SEMA3G: variants seen among roughly 807,000 people sequenced by gnomAD.
SEMA3G encodes semaphorin 3G.
SEMA3G carries 70 observed loss-of-function variants against 86.2 expected under a neutral mutation model. The ratio of observed to expected loss-of-function variants is 0.81; its 90% CI spans 0.67 to 0.99. The LOEUF is 0.99. Among genes scored for constraint, SEMA3G ranks in the 50% least tolerant of loss-of-function variants. The pLI is 0.00. For missense variants in SEMA3G, 1,002 were observed against 1,072.4 expected (o/e 0.93, Z 0.92); for synonymous variants, 416 against 441.4 (o/e 0.94, Z 0.72).
rs762879710 is a variant in SEMA3G at position 52,440,793 on chromosome 3, C to T, written c.959G>A (p.Gly320Glu). ...CAGCGCGTACACCTCGAGGCTCTTC[C>T]CGGCCTTGGGCCACAGCAGGAACAC... The part of the protein sequence containing the change: ...EDVFLLWPKA[G>E]KSLEVYALFS... Residue 320 changes from glycine (G) to glutamate (E), a missense_variant, in exon 9 of 16, where the codon GGG (glycine) becomes GAG (glutamate). Gly to Glu is a moderately conservative substitution (Grantham distance 98). Coordinates refer to ENST00000231721, the MANE Select transcript of SEMA3G (RefSeq NM_020163.3). 6.2e-7 allele frequency: 1 copy of T among 1,613,016 alleles called. No individual in the cohort carries two copies. Among genetic ancestry groups the T allele is most frequent in the Admixed American group, 1.7e-5 (1 of 60,010 alleles).
At position 52,440,051 on chromosome 3, in the gene SEMA3G, G is replaced by A; in HGVS notation, c.1191C>T (p.Thr397=). The A allele has an allele frequency of 6.2e-7, 1 of 1,600,122 alleles. No individual in the cohort carries two copies. Among genetic ancestry groups the A allele is most frequent in the Non-Finnish European group, 8.5e-7 (1 of 1,169,830 alleles). ...TAQPGRPFGS[T]KDYPDEVLQF... ...GCAGCACCTCATCTGGGTAGTCCTT[G>A]GTGCTGCCAAAAGGCCGTCCTGGCT... The change falls in exon 11 of 16, where the codon ACC becomes ACT. Residue 397 remains threonine, a synonymous_variant. Transcript: ENST00000231721.
chr3:52,437,879 G>A lies in SEMA3G; in HGVS notation c.1738+92C>T, dbSNP rs1706074696. 5 of 1,252,552 alleles carry A rather than the reference G, an allele frequency of 4.0e-6. No individual in the cohort carries two copies. In the South Asian group the frequency reaches 5.2e-5, roughly 13 times the overall value. 77.6% of individuals were successfully genotyped at this position (1,252,552 alleles called of 1,614,324 possible). On this transcript the variant is annotated intron_variant, in intron 14 of 15. Transcript: ENST00000231721. ...AACTGAGGACTATCCGTCATGACAAGACCAATCTGAGAATGCACTTCGCAG... is the reference window on the plus strand; with the variant it reads ...AACTGAGGACTATCCGTCATGACAAAACCAATCTGAGAATGCACTTCGCAG...
In SEMA3G at chr3:52,441,314, C is replaced by A. The variant is rs780165717; in HGVS notation, c.763G>T (p.Asp255Tyr). ...ACAGTGACATGGTTCGAGCCACCATCGGGCGAGGGGACCGTCTCCGAGAAG... is the reference window on the plus strand; with the variant it reads ...ACAGTGACATGGTTCGAGCCACCATAGGGCGAGGGGACCGTCTCCGAGAAG... ...FFFSETVPSP[D>Y]GGSNHVTVSR... The change falls in exon 7 of 16, where the codon GAT becomes TAT. Residue 255 changes from aspartate (D) to tyrosine (Y), a missense_variant. By Grantham distance (160) the Asp-to-Tyr change is radical (BLOSUM62 -3). Coordinates refer to ENST00000231721, the MANE Select transcript of SEMA3G (RefSeq NM_020163.3). 6.2e-7 allele frequency: 1 copy of A among 1,613,708 alleles called. No homozygotes were observed. Among genetic ancestry groups the A allele is most frequent in the Non-Finnish European group, 8.5e-7 (1 of 1,180,016 alleles).
At position 52,440,094 on chromosome 3, in the gene SEMA3G, G is replaced by A. The variant is rs751325898; in HGVS notation, c.1148C>T (p.Pro383Leu). Residue 383 changes from proline (P) to leucine (L), a missense_variant, in exon 11 of 16, where the codon CCC becomes CTC. By Grantham distance (98) the Pro-to-Leu change is moderately conservative. Coordinates refer to ENST00000231721, the MANE Select transcript of SEMA3G (RefSeq NM_020163.3). ...KVPFPRPGVC[P>L]SKMTAQPGRP... Reference sequence around the variant, plus strand: ...TCCTGGCTGTGCGGTCATCTTGCTGGGGCACTGTGGGCAGCAGGGAAGGGA... The same window carrying A: ...TCCTGGCTGTGCGGTCATCTTGCTGAGGCACTGTGGGCAGCAGGGAAGGGA... The A allele has an allele frequency of 6.4e-7, 1 of 1,573,876 alleles. No individual in the cohort carries two copies. The highest frequency in any genetic ancestry group is 1.1e-5 in the South Asian group (1 of 87,522).
chr3:52,440,417 C>T lies in SEMA3G; in HGVS notation c.1103G>A (p.Gly368Glu). The T allele has an allele frequency of 6.2e-7, 1 of 1,610,758 alleles. No homozygotes were observed. The highest frequency in any genetic ancestry group is 2.2e-5 in the East Asian group (1 of 44,806). ...AHRDGPQHQW[G>E]PYGGKVPFPR... is the part of the protein sequence containing the mutation. ...GAAGGGCACCTTGCCCCCATAGGGC[C>T]CCCACTGGTGCTGAGGCCCATCTCG... Residue 368 changes from glycine (G) to glutamate (E), a missense_variant, in exon 10 of 16, where the codon GGG becomes GAG. Gly to Glu is a moderately conservative substitution (Grantham distance 98). Coordinates refer to ENST00000231721, the MANE Select transcript of SEMA3G (RefSeq NM_020163.3).
rs771305084 is a variant in SEMA3G, at chr3:52,440,371, A to G, written c.1143+6T>C. The G allele has an allele frequency of 2.5e-6, 4 of 1,593,080 alleles. No individual in the cohort carries two copies. The highest frequency in any genetic ancestry group is 8.5e-7 in the Non-Finnish European group (1 of 1,172,086). On this transcript the variant is annotated splice_donor_region_variant and intron_variant, in intron 10 of 15. Coordinates refer to ENST00000231721, the MANE Select transcript of SEMA3G (RefSeq NM_020163.3). The stretch of plus-strand genomic sequence containing the variant: ...CTTCCCTGGCCTGGCCCCAGCAGAT[A>G]CTCACCACGCCAGGGCGAGGGAAGG...
rs1706072296 is a variant in SEMA3G at position 52,437,734 on chromosome 3, C to T, written c.1739-68G>A. On this transcript the variant is annotated intron_variant, in intron 14 of 15. Transcript: ENST00000231721. ...CCCAGATCCCAGTGCCACCACCTGA[C>T]ACCACAGCTCAGGAGCCCCACTAGT... 4.6e-6 allele frequency: 7 copies of T among 1,530,376 alleles called. No individual in the cohort carries two copies. The East Asian group carries it at 1.4e-4, about 30-fold the overall frequency. 94.8% of individuals were successfully genotyped at this position (1,530,376 alleles called of 1,614,324 possible).
intron 12 of SEMA3G, 79 bp downstream of exon 12, chr3:52,439,601 C>T (rs1706107225): frequency 9.2e-6 from 11 of 1,195,754 alleles, no homozygotes; most frequent in Non-Finnish European, 1.4e-5. Flanking sequence ...CCCTACTGGG[C>T]TTGCTCCTGC....
chr3:52,438,606 A>C, intron 13 of SEMA3G: 1 of 985,500 alleles, frequency 1.0e-6, no homozygotes, highest in South Asian at 4.7e-5. Flanking sequence ...GGGTTTTGCC[A>C]CTTGGCAAAT....
chr3:52,437,420 T>G, intron 15 of SEMA3G, 107 bp downstream of exon 15: 5 of 1,248,568 alleles, frequency 4.0e-6, no homozygotes, highest in Non-Finnish European at 5.5e-6. Context: ...AGGTTAATCT[T>G]GGCAGATTCC....
intron 1 of SEMA3G, 191 bp from the exon 2 acceptor site, chr3:52,443,098 A>G: frequency 1.3e-6 from 2 of 1,510,478 alleles, no homozygotes; most frequent in Non-Finnish European, 1.8e-6. Flanking sequence ...GGAGGCTCAG[A>G]GCCTCCCACC....
rs1272878489 is a variant in SEMA3G at position 52,437,582 on chromosome 3, G to A, written c.1823C>T (p.Pro608Leu). Residue 608 changes from proline (P) to leucine (L), a missense_variant, in exon 15 of 16, where the codon CCC becomes CTC. Coordinates refer to ENST00000231721, the MANE Select transcript of SEMA3G (RefSeq NM_020163.3). The part of the protein sequence containing the change: ...STFLECLPKS[P>L]QAAVRWLLQR... Reference sequence around the variant, plus strand: ...CAAGAGCCAGCGCACAGCAGCCTGGGGAGACTTGGGCAGGCACTCCAGGAA... The same window carrying A: ...CAAGAGCCAGCGCACAGCAGCCTGGAGAGACTTGGGCAGGCACTCCAGGAA... 3 of 1,613,216 alleles carry A rather than the reference G, an allele frequency of 1.9e-6. No homozygotes were observed. The highest frequency in any genetic ancestry group is 2.2e-5 in the East Asian group (1 of 44,878).
Position 52,439,677 on chromosome 3 carries a change from T to A in SEMA3G, c.1467+3A>T. The A allele has an allele frequency of 6.2e-7, 1 of 1,613,076 alleles. No individual in the cohort carries two copies. The highest frequency in any genetic ancestry group is 8.5e-7 in the Non-Finnish European group (1 of 1,179,186). ...GGGACCCTTCCATCAGCCCCTTGCT[T>A]ACCTTAAACACCTGGAGCTCCTCCA... On this transcript the variant is annotated splice_donor_region_variant and intron_variant, in intron 12 of 15. Coordinates refer to ENST00000231721, the MANE Select transcript of SEMA3G (RefSeq NM_020163.3).
chr3:52,442,484 G>A lies in SEMA3G; in HGVS notation c.339+75C>T, dbSNP rs2153229714. On this transcript the variant is annotated intron_variant, in intron 3 of 15. Transcript: ENST00000231721. The surrounding 1 kb of genome is among the most constrained non-coding windows in gnomAD (Gnocchi z 6.1). ...AAATGCCCCTGGTAGAGGTACCTGG[G>A]GCGTGGTCACGGATTGTCCTGGGGG... The A allele has an allele frequency of 6.5e-7, 1 of 1,544,246 alleles. No individual in the cohort carries two copies. The highest frequency in any genetic ancestry group is 1.4e-5 in the African/African-American group (1 of 73,542).
intron 15 of SEMA3G, 39 bp from the exon 16 acceptor site, chr3:52,436,112 T>C: frequency 6.4e-7 from 1 of 1,560,560 alleles, no homozygotes; most frequent in Non-Finnish European, 8.7e-7. Context: ...GGGTGCAAGG[T>C]GGGAGTTTAC....
chr3:52,438,949 T>C lies in SEMA3G; in HGVS notation c.1480A>G (p.Ile494Val). The C allele has an allele frequency of 6.2e-7, 1 of 1,613,500 alleles. No homozygotes were observed. Among genetic ancestry groups the C allele is most frequent in the Non-Finnish European group, 8.5e-7 (1 of 1,179,660 alleles). ...TTGACAGAGATCTCCATTTCGGTGA[T>C]AGGTGTTGGCACCTGGGGAAGGAGA... ...ELQVFKVPTP[I>V]TEMEISVKRQ... Residue 494 changes from isoleucine (I) to valine (V), a missense_variant, in exon 13 of 16, where the codon ATC becomes GTC. Ile to Val is a conservative substitution (Grantham distance 29). Transcript: ENST00000231721.
At position 52,438,396 on chromosome 3, in the gene SEMA3G, A is replaced by G. The variant is rs3774410; in HGVS notation, c.1510-197T>C. 70 of 983,286 alleles carry G rather than the reference A, an allele frequency of 7.1e-5. No homozygotes were observed. In the East Asian group the frequency reaches 2.8e-3, roughly 40 times the overall value. The allele number at this position is 983,286 out of a possible 1,614,324, so 60.9% of individuals were successfully genotyped here. ...GATTCTGTGCCAGGACACAGAAGGG[A>G]TGGAGGAGAACCAAGACCTGGGATG... On this transcript the variant is annotated intron_variant, in intron 13 of 15. Transcript: ENST00000231721.
At chr3:52,436,898 G>A (rs1706057888) in intron 15 of SEMA3G, among the ~76,000 whole-genome samples, 1 of 152,150 alleles carries the variant, frequency 6.6e-6, no homozygotes, top group South Asian at 2.1e-4. Flanking sequence ...AGCCCCTCCT[G>A]TAATCAATCC....
At chr3:52,441,717 C>G in intron 5 of SEMA3G, 27 bp from the exon 6 acceptor site, 1 of 1,604,542 alleles carries the variant, frequency 6.2e-7, no homozygotes, top group Non-Finnish European at 8.5e-7. Flanking sequence ...GGAACAGAGT[C>G]AGGGGAGGAG....
Sources: gnomAD v4.1 joint callset for allele counts (sites outside exome capture counted in the v4.1 genomes callset) on GRCh38, gnomAD v4.1.1 for gene constraint, Gnocchi (gnomAD v3.1) non-coding constraint, MANE v1.5 for transcripts, NCBI Gene and HGNC (gene_info 2026-07-23, HGNC 2026-07-21) for gene names.